The following AP1G1 variants were observed in gnomAD, a reference collection of about 807,000 sequenced individuals.
AP1G1 encodes adaptor related protein complex 1 subunit gamma 1, also known as AP-1 complex subunit gamma-1.
In AP1G1, 7 loss-of-function variants were observed where a neutral mutation model predicts 108.3. The ratio of observed to expected loss-of-function variants is 0.06; its 90% CI spans 0.04 to 0.12. The LOEUF is 0.12. Ranked by LOEUF, AP1G1 falls within the 10% of genes least tolerant of loss-of-function variation. AP1G1 has a pLI of 1.00. For synonymous variants in AP1G1, 379 were observed against 353.5 expected, an observed-to-expected ratio of 1.07 and a Z score of -0.81; for missense variants, 756 against 1,010.7, an observed-to-expected ratio of 0.75 and a Z score of 3.42.
intron 21 of AP1G1, among the ~76,000 whole-genome samples, chr16:71,738,217 AT>A (rs61059579): frequency 3.2e-3 from 460 of 144,156 alleles, no homozygotes; most frequent in African/African-American, 4.7e-3. Context: ...CGCCCGGCTA[AT>A]TTTTTTTTTT....
At chr16:71,782,518 G>A (rs1045269120) in intron 2 of AP1G1, among the ~76,000 whole-genome samples, 10 of 150,022 alleles carry the variant, frequency 6.7e-5, no homozygotes, top group African/African-American at 2.0e-4. Flanking sequence ...ATGGAGTCTC[G>A]CTCTGTTGCC....
intron 19 of AP1G1, among the ~76,000 whole-genome samples, chr16:71,744,636 C>A (rs1357170830): frequency 7.5e-6 from 1 of 133,040 alleles, no homozygotes; most frequent in African/African-American, 2.9e-5. Context: ...TACACACTGG[C>A]GCGATCTCGG....
chr16:71,791,889 G>A (rs2032416549), intron 1 of AP1G1, among the ~76,000 whole-genome samples: 1 of 150,490 alleles, frequency 6.6e-6, no homozygotes, highest in Non-Finnish European at 1.5e-5. Flanking sequence ...AGCCTCCCAA[G>A]TAGGTGGTAT....
intron 18 of AP1G1, 76 bp from the exon 19 acceptor site, chr16:71,745,346 T>C (rs2030117662): frequency 6.3e-7 from 1 of 1,598,912 alleles, no homozygotes. Flanking sequence ...GCTCTTTCAA[T>C]ATGTAAAAAT....
Position 71,734,710 on chromosome 16 carries a change from AG to A in AP1G1, c.2269-4del, listed in dbSNP as rs1567637985. ...GACAAGAGCTGCAGCTGGAATGTCT[AG>A]GGGGGAACAAAGGGCACTCTTCAGA... On this transcript the variant is annotated splice_region_variant and splice_polypyrimidine_tract_variant and intron_variant, in intron 21 of 22. Transcript: ENST00000299980. The A allele has an allele frequency of 6.2e-7, 1 of 1,611,700 alleles. No individual in the cohort carries two copies. Among genetic ancestry groups the A allele is most frequent in the South Asian group, 1.1e-5 (1 of 91,014 alleles).
At chr16:71,769,475 T>C (rs939300626) in intron 6 of AP1G1, 148 bp downstream of exon 6, 2 of 734,750 alleles carry the variant, frequency 2.7e-6, no homozygotes, top group African/African-American at 3.5e-5. Flanking sequence ...TAAATCTGGC[T>C]TCCAGGCCAA....
chr16:71,737,481 C>T (rs2045564670), intron 21 of AP1G1, among the ~76,000 whole-genome samples: 1 of 152,126 alleles, frequency 6.6e-6, no homozygotes, highest in African/African-American at 2.4e-5. Context: ...GATGGTGTTT[C>T]ACCATGTTGC....
Position 71,807,191 on chromosome 16 carries a change from C to G in AP1G1, c.-4+1572G>C, listed in dbSNP as rs1597098447. Among the ~76,000 whole-genome samples the G allele has an allele frequency of 2.4e-5, 2 of 81,714 alleles. 1 individual carries two copies. The highest frequency in any genetic ancestry group is 5.6e-5 in the African/African-American group (2 of 35,664). 53.6% of individuals were successfully genotyped at this position (81,714 alleles called of 152,430 possible). A position where few individuals can be genotyped will look rare whatever the true frequency, so the allele number is the denominator to read the frequency against. On this transcript the variant is annotated intron_variant, in intron 1 of 22. Coordinates refer to ENST00000299980, the MANE Select transcript of AP1G1 (RefSeq NM_001128.6). ...CTGTAATCCTAGCACTTTGGGAGGC[C>G]GAGGCGGGCGGATTACCTGAGCTCA...
At chr16:71,795,557 T>C (rs1378500434) in intron 1 of AP1G1, among the ~76,000 whole-genome samples, 1 of 152,206 alleles carries the variant, frequency 6.6e-6, no homozygotes, top group African/African-American at 2.4e-5. Flanking sequence ...GCCTATATTT[T>C]TATATTATGG....
At chr16:71,803,321 A>C (rs1238644120) in intron 1 of AP1G1, among the ~76,000 whole-genome samples, 1 of 152,118 alleles carries the variant, frequency 6.6e-6, no homozygotes, top group Non-Finnish European at 1.5e-5. Context: ...TTCTAAACCT[A>C]CTTAATTTGT....
intron 7 of AP1G1, among the ~76,000 whole-genome samples, chr16:71,765,022 A>C (rs1222017042): frequency 6.6e-6 from 1 of 152,256 alleles, no homozygotes; most frequent in Non-Finnish European, 1.5e-5. Flanking sequence ...AATAATTCAA[A>C]TAATAAATGA....
At chr16:71,788,560 T>C (rs1316390549) in intron 2 of AP1G1, among the ~76,000 whole-genome samples, 2 of 152,060 alleles carry the variant, frequency 1.3e-5, no homozygotes, top group Non-Finnish European at 2.9e-5. Context: ...ACGCCACCAA[T>C]TGGCAACCAC....
At chr16:71,764,320 G>A (rs758751344) in intron 9 of AP1G1, 30 bp downstream of exon 9, 67 of 1,357,286 alleles carry the variant, frequency 4.9e-5, no homozygotes, top group East Asian at 4.6e-4. Context: ...AAACATTTAG[G>A]GGGGGAAGAA....
At chr16:71,755,201 G>T (rs973998943) in intron 12 of AP1G1, among the ~76,000 whole-genome samples, 4 of 152,252 alleles carry the variant, frequency 2.6e-5, no homozygotes, top group Admixed American at 6.5e-5. Context: ...TGAGGCAGGC[G>T]AATCGCTTGA....
intron 1 of AP1G1, among the ~76,000 whole-genome samples, chr16:71,797,781 A>C (rs892624216): frequency 1.3e-5 from 2 of 152,148 alleles, no homozygotes; most frequent in Non-Finnish European, 2.9e-5. Context: ...CCTGGGCGAC[A>C]GAGCAAGACG....
intron 15 of AP1G1, among the ~76,000 whole-genome samples, chr16:71,749,428 G>A (rs868315805): frequency 9.9e-5 from 15 of 151,550 alleles, no homozygotes; most frequent in African/African-American, 1.7e-4. Context: ...AGGCTGCAGT[G>A]AATTGTGATC....
At chr16:71,753,254 G>T (rs1482827488) in intron 13 of AP1G1, among the ~76,000 whole-genome samples, 1 of 152,072 alleles carries the variant, frequency 6.6e-6, no homozygotes. Flanking sequence ...CCAAAGAAAG[G>T]ATCCCATCCA....
intron 1 of AP1G1, among the ~76,000 whole-genome samples, chr16:71,802,544 A>G (rs2032841305): frequency 6.6e-6 from 1 of 152,116 alleles, no homozygotes; most frequent in South Asian, 2.1e-4. Context: ...AGCCTGTCCA[A>G]CATGGTGAAA....
intron 2 of AP1G1, among the ~76,000 whole-genome samples, chr16:71,776,457 G>A (rs1386868882): frequency 6.6e-6 from 1 of 152,192 alleles, no homozygotes; most frequent in Non-Finnish European, 1.5e-5. Flanking sequence ...GTTGATGAAA[G>A]TCATCTTTAC....
Sources: gnomAD v4.1 joint callset for allele counts (sites outside exome capture counted in the v4.1 genomes callset) on GRCh38, gnomAD v4.1.1 for gene constraint, MANE v1.5 for transcripts, NCBI Gene and HGNC (gene_info 2026-07-23, HGNC 2026-07-21) for gene names.